The following TEAD1 variants were observed in gnomAD, a reference collection of about 807,000 sequenced individuals.
TEAD1 encodes the protein TEA domain transcription factor 1, also known as transcriptional enhancer factor TEF-1.
Under a neutral mutation model 54.9 loss-of-function variants are expected in TEAD1, and 9 were observed. The ratio of observed to expected loss-of-function variants is 0.16; its 90% CI spans 0.10 to 0.29. TEAD1 has a LOEUF of 0.29. Ranked by LOEUF, TEAD1 falls within the 10% of genes least tolerant of loss-of-function variation. The pLI, the probability that TEAD1 is intolerant of heterozygous loss-of-function variation, is 1.00. For synonymous variants in TEAD1, 200 were observed against 187.8 expected (o/e 1.07, Z -0.53); for missense variants, 387 against 535.9 (o/e 0.72, Z 2.74).
rs184513376 is a variant in TEAD1, at chr11:12,868,411, A to G, written c.330+3511A>G. On this transcript the variant is annotated intron_variant, in intron 5 of 12. Transcript: ENST00000527636. ...AGCTCCTGTGTCCCATTTAAAGCCCATGTTTTTAAATTCTGTAGTTTTGAA... is the reference window on the plus strand; with the variant it reads ...AGCTCCTGTGTCCCATTTAAAGCCCGTGTTTTTAAATTCTGTAGTTTTGAA... Among the ~76,000 whole-genome samples the G allele has an allele frequency of 5.8e-4, 88 of 152,266 alleles. 1 individual carries two copies. Among genetic ancestry groups the G allele is most frequent in the South Asian group, 3.3e-3 (16 of 4,818 alleles).
chr11:12,836,276 C>T (rs949163060), intron 3 of TEAD1, among the ~76,000 whole-genome samples: 23 of 152,026 alleles, frequency 1.5e-4, no homozygotes, highest in Admixed American at 1.1e-3. Flanking sequence ...AAAAATTAGC[C>T]GGGCGTGGTG....
intron 2 of TEAD1, among the ~76,000 whole-genome samples, chr11:12,716,453 G>T (rs1187654803): frequency 1.3e-5 from 2 of 152,202 alleles, no homozygotes; most frequent in Non-Finnish European, 2.9e-5. Context: ...TGATCAAGAA[G>T]TAATCCTTTT....
chr11:12,867,502 C>T lies in TEAD1; in HGVS notation c.330+2602C>T, dbSNP rs576977909. Among the ~76,000 whole-genome samples, 7 of 152,296 alleles carry T rather than the reference C, an allele frequency of 4.6e-5. No homozygotes were observed. In the East Asian group the frequency reaches 1.2e-3, roughly 25 times the overall value. On this transcript the variant is annotated intron_variant, in intron 5 of 12. Transcript: ENST00000527636. Reference sequence around the variant, plus strand: ...TCGCAGAGAGTGAGGCTGTCTGTCACCTGCTTGCAGGAGTTGGTGCTGCTT... The same window carrying T: ...TCGCAGAGAGTGAGGCTGTCTGTCATCTGCTTGCAGGAGTTGGTGCTGCTT...
At chr11:12,818,408 A>T (rs1014913112) in intron 3 of TEAD1, among the ~76,000 whole-genome samples, 2 of 152,012 alleles carry the variant, frequency 1.3e-5, no homozygotes, top group African/African-American at 4.8e-5. Flanking sequence ...TCATCAAGGG[A>T]TTTTTTTTCA....
At chr11:12,901,600 A>G (rs930683146) in intron 9 of TEAD1, among the ~76,000 whole-genome samples, 1 of 152,180 alleles carries the variant, frequency 6.6e-6, no homozygotes, top group Non-Finnish European at 1.5e-5. Flanking sequence ...AAAGAGTATC[A>G]CTTTCATTTT....
At chr11:12,820,556 C>T (rs1481082750) in intron 3 of TEAD1, among the ~76,000 whole-genome samples, 1 of 152,150 alleles carries the variant, frequency 6.6e-6, no homozygotes, top group Non-Finnish European at 1.5e-5. Context: ...TTATAACACC[C>T]TAAAAGAAGA....
intron 3 of TEAD1, among the ~76,000 whole-genome samples, chr11:12,817,464 C>T (rs939888918): frequency 7.9e-5 from 12 of 152,176 alleles, no homozygotes; most frequent in African/African-American, 2.2e-4. Context: ...AACATTTTCC[C>T]TTTTTTGTGA....
At chr11:12,857,538 C>T (rs992456176) in intron 3 of TEAD1, among the ~76,000 whole-genome samples, 6 of 150,848 alleles carry the variant, frequency 4.0e-5, no homozygotes, top group Admixed American at 4.0e-4. Flanking sequence ...ATTTTTGTAG[C>T]ATCAGGTTTA....
intron 5 of TEAD1, 40 bp downstream of exon 5, chr11:12,864,940 A>C (rs745938104): frequency 2.7e-5 from 43 of 1,607,760 alleles, no homozygotes; most frequent in Non-Finnish European, 4.3e-6. Flanking sequence ...GTTGCTATGC[A>C]TCTCACTTCC....
chr11:12,797,528 C>T (rs1945958743), intron 3 of TEAD1, among the ~76,000 whole-genome samples: 1 of 151,596 alleles, frequency 6.6e-6, no homozygotes, highest in Admixed American at 6.6e-5. Context: ...TTGGTACAGC[C>T]CTTAAGTCTT....
chr11:12,711,790 A>T (rs2133852727), intron 2 of TEAD1, among the ~76,000 whole-genome samples: 1 of 152,314 alleles, frequency 6.6e-6, no homozygotes, highest in Non-Finnish European at 1.5e-5. Context: ...TAGCAAGGTA[A>T]CAAGTTAACA....
intron 5 of TEAD1, among the ~76,000 whole-genome samples, chr11:12,874,454 A>G (rs1458798872): frequency 6.6e-6 from 1 of 152,236 alleles, no homozygotes; most frequent in Non-Finnish European, 1.5e-5. Context: ...CATTTCAACC[A>G]TAAAAAGGAG....
chr11:12,839,848 G>GT (rs1946987043), intron 3 of TEAD1, among the ~76,000 whole-genome samples: 1 of 152,144 alleles, frequency 6.6e-6, no homozygotes, highest in Non-Finnish European at 1.5e-5. Flanking sequence ...AGGTAATGTG[G>GT]TAAGACTCAT....
At chr11:12,703,901 G>A (rs766781995) in intron 2 of TEAD1, among the ~76,000 whole-genome samples, 10 of 152,064 alleles carry the variant, frequency 6.6e-5, no homozygotes, top group Non-Finnish European at 1.3e-4. Context: ...TAAAACACAG[G>A]CTCATGGGGT....
chr11:12,884,246 T>G (rs1035491417), intron 9 of TEAD1, among the ~76,000 whole-genome samples: 1 of 151,784 alleles, frequency 6.6e-6, no homozygotes, highest in East Asian at 1.9e-4. Flanking sequence ...TCACACCCAC[T>G]CCTTGGCTGT....
At chr11:12,738,191 A>G (rs747506202) in intron 2 of TEAD1, among the ~76,000 whole-genome samples, 7 of 152,178 alleles carry the variant, frequency 4.6e-5, no homozygotes, top group Non-Finnish European at 1.0e-4. Context: ...TAAGTAATTT[A>G]TATGGCAGAA....
chr11:12,821,865 A>G (rs892600445), intron 3 of TEAD1, among the ~76,000 whole-genome samples: 2 of 140,468 alleles, frequency 1.4e-5, no homozygotes, highest in African/African-American at 5.5e-5. Context: ...CACTTTACCT[A>G]CCTCCTCCGC....
intron 3 of TEAD1, among the ~76,000 whole-genome samples, chr11:12,851,396 C>T (rs947249228): frequency 1.3e-5 from 2 of 152,264 alleles, no homozygotes; most frequent in Admixed American, 6.5e-5. Context: ...AATTACTATG[C>T]GATGATAGCT....
chr11:12,940,714 G>A lies in TEAD1; in HGVS notation c.*3492G>A, dbSNP rs762680647. 2.6e-5 allele frequency: 4 copies of A among 151,712 alleles called. No individual in the cohort carries two copies. The highest frequency in any genetic ancestry group is 7.3e-5 in the African/African-American group (3 of 41,258). The allele number at this position is 151,712 out of a possible 1,614,324, so 9.4% of individuals were successfully genotyped here. ...GACCTTCATCCCTTAGTTTACTGGC[G>A]TTAAAAAAAGTCTCAGCAATTTTCA... On this transcript the variant is annotated 3_prime_UTR_variant, in exon 13 of 13. Transcript: ENST00000527636.
Sources: gnomAD v4.1 joint callset for allele counts (sites outside exome capture counted in the v4.1 genomes callset) on GRCh38, gnomAD v4.1.1 for gene constraint, MANE v1.5 for transcripts, NCBI Gene and HGNC (gene_info 2026-07-23, HGNC 2026-07-21) for gene names.